Variants in GRAMD1B observed in about 807,000 individuals in gnomAD.
GRAMD1B encodes the protein protein Aster-B.
GRAMD1B carries 37 observed loss-of-function variants against 99.7 expected under a neutral mutation model. The ratio of observed to expected loss-of-function variants is 0.37; its 90% CI spans 0.29 to 0.49. GRAMD1B has a LOEUF of 0.49. Among genes scored for constraint, GRAMD1B ranks in the 20% least tolerant of loss-of-function variants. The probability of loss-of-function intolerance (pLI) is 0.98; values close to 1 mark genes in which losing one functional copy is unlikely to be tolerated. For synonymous variants in GRAMD1B, 427 were observed against 387.6 expected, an observed-to-expected ratio of 1.10 and a Z score of -1.19; for missense variants, 888 against 1,009.2, an observed-to-expected ratio of 0.88 and a Z score of 1.63.
intron 2 of GRAMD1B, among the ~76,000 whole-genome samples, chr11:123,563,777 C>T (rs139259350): frequency 6.6e-6 from 1 of 152,140 alleles, no homozygotes; most frequent in Admixed American, 6.5e-5. Flanking sequence ...TCATAAATAA[C>T]TTCCTGATGA....
intron 2 of GRAMD1B, among the ~76,000 whole-genome samples, chr11:123,544,182 A>G (rs1393203653): frequency 6.6e-6 from 1 of 152,236 alleles, no homozygotes; most frequent in African/African-American, 2.4e-5. Flanking sequence ...GCTGCCTACA[A>G]GACACACATG....
chr11:123,521,614 G>T (rs531393949), intron 2 of GRAMD1B, among the ~76,000 whole-genome samples: 1 of 152,212 alleles, frequency 6.6e-6, no homozygotes, highest in African/African-American at 2.4e-5. Context: ...GGTACAATCA[G>T]TGTAAGAGTC....
At chr11:123,441,485 T>A (rs1949403995) in intron 1 of GRAMD1B, among the ~76,000 whole-genome samples, 1 of 151,842 alleles carries the variant, frequency 6.6e-6, no homozygotes, top group African/African-American at 2.4e-5. Context: ...ACAACAAATT[T>A]AAAAAATTAG....
intron 2 of GRAMD1B, among the ~76,000 whole-genome samples, chr11:123,512,064 C>T (rs747656129): frequency 1.1e-4 from 17 of 152,346 alleles, no homozygotes; most frequent in South Asian, 2.1e-4. Flanking sequence ...CCTCTGTCTC[C>T]GCTTCCTCTC....
At chr11:123,427,230 T>C (rs1302120913), upstream of GRAMD1B, among the ~76,000 whole-genome samples, 1 of 152,218 alleles carries the variant, frequency 6.6e-6, no homozygotes, top group Non-Finnish European at 1.5e-5. Context: ...CCAGCTACTT[T>C]GAGAAATTGT....
intron 19 of GRAMD1B, among the ~76,000 whole-genome samples, chr11:123,621,613 A>G (rs1955119067): frequency 6.6e-6 from 1 of 152,254 alleles, no homozygotes; most frequent in Admixed American, 6.5e-5. Flanking sequence ...GAGCCTTAGC[A>G]GACGGGTGAC....
At chr11:123,555,547 A>ACCATGTTGG (rs1471025721) in intron 2 of GRAMD1B, among the ~76,000 whole-genome samples, 2 of 151,606 alleles carry the variant, frequency 1.3e-5, no homozygotes, top group African/African-American at 4.8e-5. Context: ...ATGGGGTTTC[A>ACCATGTTGG]CCATGTTGGC....
At chr11:123,561,073 G>A (rs772226129) in intron 2 of GRAMD1B, among the ~76,000 whole-genome samples, 1 of 152,152 alleles carries the variant, frequency 6.6e-6, no homozygotes, top group Admixed American at 6.5e-5. Context: ...GTGGCCCTGG[G>A]GTGGGCTGGA....
At chr11:123,596,163 A>T in intron 7 of GRAMD1B, 126 bp downstream of exon 7, 1 of 579,446 alleles carries the variant, frequency 1.7e-6, no homozygotes, top group Middle Eastern at 2.7e-4. Context: ...GCTAAGGGCG[A>T]TGCAGATTCC....
In GRAMD1B at chr11:123,597,256, C is replaced by CTTTT. The variant is rs71060518; in HGVS notation, c.969+1246_969+1249dup. Among the ~76,000 whole-genome samples, 101 of 76,564 alleles carry CTTTT rather than the reference C, an allele frequency of 1.3e-3. 6 individuals are homozygous for CTTTT. The highest frequency in any genetic ancestry group is 5.6e-3 in the African/African-American group (89 of 15,982). The allele number at this position is 76,564 out of a possible 152,430, so 50.2% of individuals were successfully genotyped here. ...GGGACTACAGTGCATGCCACTATGC[C>CTTTT]TTTTTTTTTTTTTTTTTTTTTTTTT... On this transcript the variant is annotated intron_variant, in intron 7 of 19. Coordinates refer to ENST00000635736, the MANE Select transcript of GRAMD1B (RefSeq NM_001387025.1).
chr11:123,584,257 TC>T, intron 3 of GRAMD1B, 54 bp from the exon 4 acceptor site: 10 of 882,312 alleles, frequency 1.1e-5, no homozygotes, highest in South Asian at 5.7e-5. Context: ...CCCTGGCCCT[TC>T]CCCCCATTTC....
chr11:123,403,317 C>T (rs1316970203), intron 1 of GRAMD1B, among the ~76,000 whole-genome samples: 1 of 151,626 alleles, frequency 6.6e-6, no homozygotes, highest in Non-Finnish European at 1.5e-5. Flanking sequence ...GTCCCAGCTA[C>T]TCAGGAGGCT....
chr11:123,419,726 T>C (rs1198172356), intron 1 of GRAMD1B, among the ~76,000 whole-genome samples: 1 of 148,790 alleles, frequency 6.7e-6, no homozygotes, highest in African/African-American at 2.5e-5. Context: ...TGTGTGTGTG[T>C]GTGTGTGTGT....
At chr11:123,361,254 G>A (rs560632378) in intron 1 of GRAMD1B, among the ~76,000 whole-genome samples, 1 of 152,308 alleles carries the variant, frequency 6.6e-6, no homozygotes, top group Non-Finnish European at 1.5e-5. Flanking sequence ...TCTGTAATAT[G>A]TATGCTTGTC....
Position 123,610,488 on chromosome 11 carries a change from C to T in GRAMD1B, c.1919+150C>T. The T allele has an allele frequency of 1.4e-6, 1 of 730,842 alleles. No homozygotes were observed. The highest frequency in any genetic ancestry group is 2.3e-6 in the Non-Finnish European group (1 of 429,220). 45.3% of individuals were successfully genotyped at this position (730,842 alleles called of 1,614,324 possible). The stretch of plus-strand genomic sequence containing the variant: ...TCTCTCCGAAGCCTTATGAGGCTCA[C>T]CCACCACTCTGTTTGAGTTAATTAT... On this transcript the variant is annotated intron_variant, in intron 14 of 19. Coordinates refer to ENST00000635736, the MANE Select transcript of GRAMD1B (RefSeq NM_001387025.1). The surrounding 1 kb of genome is among the most constrained non-coding windows in gnomAD (Gnocchi z 4.1).
chr11:123,366,662 T>G (rs1412973672), intron 1 of GRAMD1B, among the ~76,000 whole-genome samples: 2 of 152,228 alleles, frequency 1.3e-5, no homozygotes, highest in Non-Finnish European at 2.9e-5. Context: ...CACAGACATT[T>G]GTACTTTTTA....
chr11:123,437,596 G>A lies in GRAMD1B; in HGVS notation c.374+6430G>A, dbSNP rs145969677. Among the ~76,000 whole-genome samples the A allele has an allele frequency of 1.2e-4, 18 of 152,258 alleles. 1 individual carries two copies. The highest frequency in any genetic ancestry group is 2.1e-4 in the Non-Finnish European group (14 of 68,012). On this transcript the variant is annotated intron_variant, in intron 1 of 19. Transcript: ENST00000635736. ...TAACACACCTACCCCCGTCATGACT[G>A]CTCACAGTCTAGCAGGCTGGCGGCT...
At chr11:123,601,537 G>A (rs934428774) in intron 8 of GRAMD1B, among the ~76,000 whole-genome samples, 1 of 151,844 alleles carries the variant, frequency 6.6e-6, no homozygotes, top group Non-Finnish European at 1.5e-5. Context: ...GTGTGTGTGT[G>A]TGTGTGTGTA....
Position 123,430,845 on chromosome 11 carries a change from C to T in GRAMD1B, c.53C>T (p.Pro18Leu), listed in dbSNP as rs1273444213. The T allele has an allele frequency of 1.4e-6, 1 of 699,530 alleles. No individual in the cohort carries two copies. The highest frequency in any genetic ancestry group is 1.8e-5 in the African/African-American group (1 of 57,088). The allele number at this position is 699,530 out of a possible 1,614,324, so 43.3% of individuals were successfully genotyped here. ...CGGCCGCTGCCCGCCCTGCAGGTGC[C>T]CGAGCCGCAGGGTGCGCCCGAGGGC... is the stretch of plus-strand genomic sequence containing the variant. ...ENRPLPALQV[P>L]EPQGAPEGSP... The change falls in exon 1 of 20, where the codon CCC becomes CTC. Residue 18 changes from proline to leucine, a missense_variant. Physicochemically the swap from Pro to Leu is moderately conservative, Grantham distance 98 (BLOSUM62 -3). Coordinates refer to ENST00000635736, the MANE Select transcript of GRAMD1B (RefSeq NM_001387025.1).
Sources: gnomAD v4.1 joint callset for allele counts (sites outside exome capture counted in the v4.1 genomes callset) on GRCh38, gnomAD v4.1.1 for gene constraint, Gnocchi (gnomAD v3.1) non-coding constraint, MANE v1.5 for transcripts, NCBI Gene and HGNC (gene_info 2026-07-23, HGNC 2026-07-21) for gene names.